Variants in ZBTB16 observed in about 807,000 individuals in gnomAD.
The protein encoded by ZBTB16 is zinc finger and BTB domain containing 16, also known as zinc finger and BTB domain-containing protein 16.
Under a neutral mutation model 56.8 loss-of-function variants are expected in ZBTB16, and 8 were observed. That is an observed-to-expected ratio of 0.14 (90% CI 0.08 to 0.25). ZBTB16 has a LOEUF of 0.25. Among genes scored for constraint, ZBTB16 ranks in the 10% least tolerant of loss-of-function variants. The pLI is 1.00. For missense variants in ZBTB16, 625 were observed against 903.0 expected, an observed-to-expected ratio of 0.69 and a Z score of 3.95; for synonymous variants, 363 against 368.5, an observed-to-expected ratio of 0.98 and a Z score of 0.17.
chr11:114,141,018 C>T (rs1345245267), intron 2 of ZBTB16, among the ~76,000 whole-genome samples: 10 of 152,170 alleles, frequency 6.6e-5, no homozygotes, highest in African/African-American at 2.4e-4. Flanking sequence ...CCAAAGTCCT[C>T]AGCATCAGTC....
At position 114,253,469 on chromosome 11, in the gene ZBTB16, G is replaced by A. The variant is rs1009290686; in HGVS notation, c.*2914G>A. 2.0e-5 allele frequency among the ~76,000 whole-genome samples: 3 copies of A among 152,168 alleles called. No homozygotes were observed. The highest frequency in any genetic ancestry group is 2.1e-4 in the South Asian group (1 of 4,832). The stretch of plus-strand genomic sequence containing the variant: ...CCTTTGTACATGTATGTGCGTGTGC[G>A]CGTGTGCTTTGTGTGTGTGGTTGTG... On this transcript the variant is annotated 3_prime_UTR_variant, in exon 7 of 7. Coordinates refer to ENST00000335953, the MANE Select transcript of ZBTB16 (RefSeq NM_006006.6).
intron 4 of ZBTB16, among the ~76,000 whole-genome samples, chr11:114,230,401 A>G (rs572634478): frequency 1.9e-4 from 29 of 152,080 alleles, no homozygotes; most frequent in Admixed American, 9.2e-4. Flanking sequence ...GCTTTTTTAT[A>G]TTTTAATTTG....
chr11:114,207,590 A>ACAACAC (rs1491175407), intron 4 of ZBTB16, among the ~76,000 whole-genome samples: 1 of 143,626 alleles, frequency 7.0e-6, no homozygotes, highest in African/African-American at 2.6e-5. Context: ...ACACACACAC[A>ACAACAC]ACACACACAC....
At chr11:114,237,848 A>G (rs1944623625) in intron 4 of ZBTB16, among the ~76,000 whole-genome samples, 1 of 152,068 alleles carries the variant, frequency 6.6e-6, no homozygotes, top group Non-Finnish European at 1.5e-5. Flanking sequence ...ATACTTTTCT[A>G]TCATCATAGC....
chr11:114,214,696 C>T (rs1436128838), intron 4 of ZBTB16, among the ~76,000 whole-genome samples: 7 of 152,134 alleles, frequency 4.6e-5, no homozygotes, highest in Admixed American at 3.3e-4. Flanking sequence ...CTCCGCCTCC[C>T]GGGTTCAAGC....
At chr11:114,162,589 G>T (rs1447071225) in intron 3 of ZBTB16, among the ~76,000 whole-genome samples, 3 of 152,196 alleles carry the variant, frequency 2.0e-5, no homozygotes, top group Non-Finnish European at 4.4e-5. Flanking sequence ...TGCACCCTCT[G>T]CCCACTCTCC....
chr11:114,079,459 C>T (rs1390017232), intron 2 of ZBTB16, among the ~76,000 whole-genome samples: 4 of 152,204 alleles, frequency 2.6e-5, no homozygotes, highest in Non-Finnish European at 4.4e-5. Context: ...AATGTTAGTA[C>T]ATTGTGAATA....
Position 114,243,977 on chromosome 11 carries a change from A to T in ZBTB16, c.1624+1640A>T, listed in dbSNP as rs1304767986. On this transcript the variant is annotated intron_variant, in intron 5 of 6. Coordinates refer to ENST00000335953, the MANE Select transcript of ZBTB16 (RefSeq NM_006006.6). Reference sequence around the variant, plus strand: ...GGGAGAAGCCCTTGCTTATTCTAGGAAACACGGAGCATGTGTGCTGCCTAT... The same window carrying T: ...GGGAGAAGCCCTTGCTTATTCTAGGTAACACGGAGCATGTGTGCTGCCTAT... 3.3e-5 allele frequency among the ~76,000 whole-genome samples: 5 copies of T among 152,306 alleles called. No homozygotes were observed. The South Asian group carries it at 1.0e-3, about 32-fold the overall frequency.
chr11:114,150,466 C>T (rs1218262535), intron 2 of ZBTB16, among the ~76,000 whole-genome samples: 1 of 152,112 alleles, frequency 6.6e-6, no homozygotes, highest in Non-Finnish European at 1.5e-5. Context: ...AAGACCTCGT[C>T]TCTATTAAAA....
chr11:114,071,923 A>T (rs1304768738), intron 2 of ZBTB16, among the ~76,000 whole-genome samples: 1 of 152,220 alleles, frequency 6.6e-6, no homozygotes, highest in African/African-American at 2.4e-5. Flanking sequence ...TGGTTGTGTT[A>T]CTTAACTTCT....
In ZBTB16 at chr11:114,167,231, G is replaced by GTTTTTTTTTTT. The variant is rs1565663129; in HGVS notation, c.1366+10797_1366+10798insTTTTTTTTTTT. Among the ~76,000 whole-genome samples the GTTTTTTTTTTT allele has an allele frequency of 9.3e-5, 4 of 43,164 alleles. 1 individual carries two copies. Among genetic ancestry groups the GTTTTTTTTTTT allele is most frequent in the Non-Finnish European group, 1.4e-4 (2 of 14,646 alleles). 28.3% of individuals were successfully genotyped at this position (43,164 alleles called of 152,430 possible). A position where few individuals can be genotyped will look rare whatever the true frequency, so the allele number is the denominator to read the frequency against. On this transcript the variant is annotated intron_variant, in intron 3 of 6. Transcript: ENST00000335953. ...TGGATTTGTGGTTTTTTTTTTTTTT[G>GTTTTTTTTTTT]GTTTTTTTTTTTTTTTTTTTTTGAC...
At chr11:114,078,168 ACCTACTTTTCTCCTCCT>A (rs1939635127) in intron 2 of ZBTB16, among the ~76,000 whole-genome samples, 1 of 152,164 alleles carries the variant, frequency 6.6e-6, no homozygotes, top group Non-Finnish European at 1.5e-5. Flanking sequence ...TCCTGCCCTC[ACCTACTTTTCTCCTCCT>A]TCATGTGGAC....
At position 114,139,626 on chromosome 11, in the gene ZBTB16, CGTGTGT is replaced by C. The variant is rs750514241; in HGVS notation, c.1269-16678_1269-16673del. 2.5e-3 allele frequency among the ~76,000 whole-genome samples: 346 copies of C among 138,632 alleles called. 1 individual carries two copies. The highest frequency in any genetic ancestry group is 4.1e-3 in the Non-Finnish European group (264 of 64,928). The allele number at this position is 138,632 out of a possible 152,430, so 90.9% of individuals were successfully genotyped here. A position where few individuals can be genotyped will look rare whatever the true frequency, so the allele number is the denominator to read the frequency against. ...TGTGTGGGTATGTGCCCGCGGTCCACGTGTGTGTGTGTGTGTGTGTGTGTGTGTGTG... is the reference window on the plus strand; with the variant it reads ...TGTGTGGGTATGTGCCCGCGGTCCACGTGTGTGTGTGTGTGTGTGTGTGTG... On this transcript the variant is annotated intron_variant, in intron 2 of 6. Transcript: ENST00000335953.
intron 2 of ZBTB16, among the ~76,000 whole-genome samples, chr11:114,136,846 G>A (rs1481973232): frequency 6.6e-6 from 1 of 152,050 alleles, no homozygotes; most frequent in East Asian, 1.9e-4. Context: ...TCCCTTGTAG[G>A]TCACCTCGTG....
At chr11:114,243,906 G>A (rs1417430369) in intron 5 of ZBTB16, among the ~76,000 whole-genome samples, 1 of 152,188 alleles carries the variant, frequency 6.6e-6, no homozygotes, top group African/African-American at 2.4e-5. Flanking sequence ...ATGCTCTTGT[G>A]TCAGTCATGG....
At position 114,130,427 on chromosome 11, in the gene ZBTB16, T is replaced by G. The variant is rs555058198; in HGVS notation, c.1269-25910T>G. On this transcript the variant is annotated intron_variant, in intron 2 of 6. Transcript: ENST00000335953. ...CAGGTTAGTTGAGACGTGGCACTTGTGAATCTAGGACTGATGCTGTGCCCC... is the reference window on the plus strand; with the variant it reads ...CAGGTTAGTTGAGACGTGGCACTTGGGAATCTAGGACTGATGCTGTGCCCC... 2.6e-5 allele frequency among the ~76,000 whole-genome samples: 4 copies of G among 152,346 alleles called. No individual in the cohort carries two copies. In the East Asian group the frequency reaches 7.7e-4, roughly 29 times the overall value.
chr11:114,183,046 C>T (rs2852796), intron 3 of ZBTB16, among the ~76,000 whole-genome samples: 58,373 of 151,954 alleles, frequency 0.38, 11,455 homozygotes, highest in East Asian at 0.47. Flanking sequence ...CTGTCTCGCT[C>T]GGCTCCGCTC....
chr11:114,212,272 A>G (rs1414102817), intron 4 of ZBTB16, among the ~76,000 whole-genome samples: 1 of 152,188 alleles, frequency 6.6e-6, no homozygotes, highest in African/African-American at 2.4e-5. Flanking sequence ...AACTTACCTT[A>G]ACAGATACTT....
chr11:114,175,590 G>GGA (rs1943088940), intron 3 of ZBTB16, among the ~76,000 whole-genome samples: 2 of 151,974 alleles, frequency 1.3e-5, no homozygotes, highest in Admixed American at 6.6e-5. Context: ...CGAGTAGCTG[G>GGA]GAGAGGACAG....
Sources: gnomAD v4.1 joint callset for allele counts (sites outside exome capture counted in the v4.1 genomes callset) on GRCh38, gnomAD v4.1.1 for gene constraint, MANE v1.5 for transcripts, NCBI Gene and HGNC (gene_info 2026-07-23, HGNC 2026-07-21) for gene names.